LUZP2: variants seen among roughly 807,000 people sequenced by gnomAD.
The protein encoded by LUZP2 is leucine zipper protein 2.
LUZP2 carries 52 observed loss-of-function variants against 51.6 expected under a neutral mutation model. The ratio of observed to expected loss-of-function variants is 1.01; its 90% CI spans 0.81 to 1.27. LUZP2 has a LOEUF of 1.27. Ranked by LOEUF, LUZP2 falls within the 50% of genes most tolerant of loss-of-function variation. The pLI is 0.00. For missense variants in LUZP2, 436 were observed against 395.4 expected, an observed-to-expected ratio of 1.10 and a Z score of -0.87; for synonymous variants, 154 against 137.3, an observed-to-expected ratio of 1.12 and a Z score of -0.85.
chr11:24,998,609 A>C (rs1856582247), intron 9 of LUZP2, among the ~76,000 whole-genome samples: 1 of 152,228 alleles, frequency 6.6e-6, no homozygotes, highest in African/African-American at 2.4e-5. Context: ...AATAAAAATC[A>C]GATTTTTAGA....
intron 7 of LUZP2, among the ~76,000 whole-genome samples, chr11:24,963,013 T>G (rs1310888355): frequency 6.6e-6 from 1 of 152,146 alleles, no homozygotes; most frequent in Non-Finnish European, 1.5e-5. Flanking sequence ...CTGTTGGAGT[T>G]TGCTAGAGGT....
intron 1 of LUZP2, among the ~76,000 whole-genome samples, chr11:24,678,368 T>C (rs996242772): frequency 6.6e-6 from 1 of 152,222 alleles, no homozygotes; most frequent in Non-Finnish European, 1.5e-5. Context: ...CTTTCTGCTA[T>C]GCAAGGATGG....
Position 24,694,842 on chromosome 11 carries a change from G to A in LUZP2, c.63-34327G>A, listed in dbSNP as rs373283646. ...AGAAACAGAAAACTAAACGCCGCAT[G>A]TTCTCACTCATCATGGGAGTTGAAC... On this transcript the variant is annotated intron_variant, in intron 1 of 11. Transcript: ENST00000336930. 4.6e-5 allele frequency among the ~76,000 whole-genome samples: 7 copies of A among 151,470 alleles called. No homozygotes were observed. The South Asian group carries it at 1.3e-3, about 27-fold the overall frequency.
chr11:24,720,025 A>G (rs1419740161), intron 1 of LUZP2, among the ~76,000 whole-genome samples: 1 of 152,224 alleles, frequency 6.6e-6, no homozygotes, highest in African/African-American at 2.4e-5. Context: ...TCATTAAGTA[A>G]ATAAATGATA....
chr11:25,040,343 A>ATTTGTTTTTTTTTTTTT (rs1858011957), intron 9 of LUZP2, among the ~76,000 whole-genome samples: 2 of 98,828 alleles, frequency 2.0e-5, no homozygotes, highest in African/African-American at 5.8e-5. Flanking sequence ...TTTCTTTCCG[A>ATTTGTTTTTTTTTTTTT]TTTTTTTTTT....
chr11:24,509,843 C>G (rs948744260), intron 1 of LUZP2, among the ~76,000 whole-genome samples: 1 of 152,050 alleles, frequency 6.6e-6, no homozygotes, highest in African/African-American at 2.4e-5. Flanking sequence ...CTCGAAGGAG[C>G]ATAGACTTGC....
intron 5 of LUZP2, chr11:24,786,318 G>C: frequency 1.0e-6 from 1 of 980,886 alleles, no homozygotes; most frequent in Non-Finnish European, 1.2e-6. Context: ...ATTTTACCAC[G>C]GGAAAAAAGT....
chr11:24,827,020 G>T (rs1261557765), intron 5 of LUZP2, among the ~76,000 whole-genome samples: 1 of 151,990 alleles, frequency 6.6e-6, no homozygotes, highest in Non-Finnish European at 1.5e-5. Context: ...AATGTCATTG[G>T]GTTTTCAATT....
intron 5 of LUZP2, among the ~76,000 whole-genome samples, chr11:24,819,037 G>T (rs896003520): frequency 6.6e-6 from 1 of 152,020 alleles, no homozygotes; most frequent in African/African-American, 2.4e-5. Context: ...ATGATATTTT[G>T]TTTAAAAGTA....
chr11:25,044,339 A>G lies in LUZP2; in HGVS notation c.766-5699A>G, dbSNP rs1858223796. Among the ~76,000 whole-genome samples, 5 of 147,978 alleles carry G rather than the reference A, an allele frequency of 3.4e-5. No individual in the cohort carries two copies. In the South Asian group the frequency reaches 1.1e-3, roughly 31 times the overall value. On this transcript the variant is annotated intron_variant, in intron 9 of 11. Transcript: ENST00000336930. The stretch of plus-strand genomic sequence containing the variant: ...ATACTGATCCAGAATTGAAATCCAT[A>G]TTCCTTTCACTCCAATATACATCAT...
At chr11:24,592,090 T>A (rs539788185) in intron 1 of LUZP2, among the ~76,000 whole-genome samples, 2 of 152,342 alleles carry the variant, frequency 1.3e-5, no homozygotes, top group East Asian at 3.9e-4. Context: ...GGGCACATTC[T>A]GTGTGTGGGT....
intron 5 of LUZP2, among the ~76,000 whole-genome samples, chr11:24,853,175 C>G (rs2134227482): frequency 6.6e-6 from 1 of 152,242 alleles, no homozygotes; most frequent in South Asian, 2.1e-4. Context: ...TGTTGATGAT[C>G]TTTACAATTT....
At chr11:24,752,184 C>T (rs549459270) in intron 4 of LUZP2, among the ~76,000 whole-genome samples, 44 of 152,010 alleles carry the variant, frequency 2.9e-4, no homozygotes, top group South Asian at 1.7e-3. Context: ...ATCGTGCCAT[C>T]GTGAAATTTT....
chr11:24,678,079 G>GC (rs370907297), intron 1 of LUZP2, among the ~76,000 whole-genome samples: 1 of 136,320 alleles, frequency 7.3e-6, no homozygotes, highest in South Asian at 2.8e-4. Context: ...GGAGAAAGGG[G>GC]GGGGGGGGTG....
At chr11:24,803,108 A>G (rs188282974) in intron 5 of LUZP2, among the ~76,000 whole-genome samples, 1 of 152,176 alleles carries the variant, frequency 6.6e-6, no homozygotes, top group Admixed American at 6.6e-5. Context: ...GGGGGAAAAT[A>G]TTTGCAAATT....
chr11:24,922,823 A>ATTTTTT (rs1854100383), intron 7 of LUZP2, among the ~76,000 whole-genome samples: 1 of 91,486 alleles, frequency 1.1e-5, no homozygotes, highest in African/African-American at 3.9e-5. Context: ...GCACAGTTAT[A>ATTTTTT]TCTTTTTTTT....
intron 3 of LUZP2, among the ~76,000 whole-genome samples, chr11:24,733,549 C>T (rs913427535): frequency 1.3e-5 from 2 of 151,572 alleles, no homozygotes; most frequent in African/African-American, 4.8e-5. Context: ...TAATCTCACT[C>T]TTATTCGGAA....
chr11:24,796,992 ACAT>A lies in LUZP2; in HGVS notation c.396+33686_396+33688del, dbSNP rs138899121. Among the ~76,000 whole-genome samples, 1,149 of 152,246 alleles carry A rather than the reference ACAT, an allele frequency of 7.5e-3. 15 individuals carry two copies. The highest frequency in any genetic ancestry group is 0.02 in the Middle Eastern group (6 of 294). ...CAGGGGTTCAGGCTTTCCAGTCAGA[ACAT>A]CTATGTTCAAATTTCGGCTCATCAT... On this transcript the variant is annotated intron_variant, in intron 5 of 11. Coordinates refer to ENST00000336930, the MANE Select transcript of LUZP2 (RefSeq NM_001009909.4).
chr11:24,845,658 G>T (rs777183224), intron 5 of LUZP2, among the ~76,000 whole-genome samples: 1 of 152,092 alleles, frequency 6.6e-6, no homozygotes, highest in Non-Finnish European at 1.5e-5. Context: ...TTATGGGGGT[G>T]GGTCTTTCCT....
Sources: allele counts gnomAD v4.1 joint callset (sites outside exome capture counted in the v4.1 genomes callset), GRCh38; gene constraint gnomAD v4.1.1; transcripts MANE v1.5; gene names NCBI Gene and HGNC (gene_info 2026-07-23, HGNC 2026-07-21).